The following TMEM164 variants were observed in gnomAD, a reference collection of about 807,000 sequenced individuals.
The protein encoded by TMEM164 is RP13-360B22.2.
Under a neutral mutation model 18.8 loss-of-function variants are expected in TMEM164, and 4 were observed. The observed-to-expected ratio is 0.21, with a 90% CI of 0.10 to 0.49. The LOEUF (loss-of-function observed/expected upper bound fraction) is 0.49, where lower values mean the gene tolerates loss of function less well. Among genes scored for constraint, TMEM164 ranks in the 20% least tolerant of loss-of-function variants. The pLI is 0.98. For synonymous variants in TMEM164, 86 were observed against 101.7 expected, an observed-to-expected ratio of 0.85 and a Z score of 0.93; for missense variants, 108 against 239.9, an observed-to-expected ratio of 0.45 and a Z score of 3.63.
rs769083794 is a variant in TMEM164, at chrX:110,085,157, C to CT, written c.440+17776dup. 1.5e-3 allele frequency among the ~76,000 whole-genome samples: 146 copies of CT among 96,246 alleles called. 1 individual carries two copies. The highest frequency in any genetic ancestry group is 8.2e-3 in the South Asian group (18 of 2,197). The allele number at this position is 96,246 out of a possible 115,157, so 83.6% of individuals were successfully genotyped here. On this transcript the variant is annotated intron_variant, in intron 3 of 6. Transcript: ENST00000372068. ...GTGCTGCCAGAGGTTTTCATATGAA[C>CT]TTTTTTTTTTTTTTTGGTAAAGCAA...
chrX:110,174,498 C>A lies in TMEM164; in HGVS notation c.*1047C>A, dbSNP rs2067268914. ...CATCAGGGCCCATTTCTGGAAGATT[C>A]TGTAGATCTGTTTCTTGGTTTTACA... On this transcript the variant is annotated 3_prime_UTR_variant, in exon 7 of 7. Transcript: ENST00000372068. The A allele has an allele frequency of 9.3e-6, 1 of 108,023 alleles. No individual in the cohort carries two copies. The highest frequency in any genetic ancestry group is 1.9e-5 in the Non-Finnish European group (1 of 52,137). The allele number at this position is 108,023 out of a possible 1,213,427, so 8.9% of individuals were successfully genotyped here. A position where few individuals can be genotyped will look rare whatever the true frequency, so the allele number is the denominator to read the frequency against.
intron 5 of TMEM164, among the ~76,000 whole-genome samples, chrX:110,155,559 T>A (rs2148096476): frequency 9.1e-6 from 1 of 110,364 alleles, no homozygotes; most frequent in Non-Finnish European, 1.9e-5. Context: ...TTCTCAAAAT[T>A]GTTTGCAAAT....
intron 2 of TMEM164, among the ~76,000 whole-genome samples, chrX:110,038,259 G>A (rs775468731): frequency 2.1e-3 from 230 of 111,005 alleles, no homozygotes; most frequent in Non-Finnish European, 2.9e-3. Flanking sequence ...CCAAAGTGCT[G>A]GGATTACAGG....
chrX:110,108,928 C>A, intron 3 of TMEM164, 152 bp from the exon 4 acceptor site: 1 of 500,981 alleles, frequency 2.0e-6, no homozygotes. Flanking sequence ...ACTATTAATT[C>A]ATTTTGTGCA....
chrX:110,020,923 A>G (rs1933781318), intron 2 of TMEM164, among the ~76,000 whole-genome samples: 1 of 106,762 alleles, frequency 9.4e-6, no homozygotes. Flanking sequence ...TTGCTAAAAT[A>G]CAAAAATGTT....
At chrX:110,042,517 A>G (rs899320605) in intron 2 of TMEM164, among the ~76,000 whole-genome samples, 1 of 111,454 alleles carries the variant, frequency 9.0e-6, no homozygotes, top group Non-Finnish European at 1.9e-5. Flanking sequence ...CCTTGTTTTC[A>G]GTTCTTTTGG....
chrX:110,169,954 T>A (rs988286077), intron 5 of TMEM164, among the ~76,000 whole-genome samples: 7 of 111,298 alleles, frequency 6.3e-5, no homozygotes, highest in African/African-American at 2.0e-4. Context: ...GGCATTTGAG[T>A]TCATGACCCT....
chrX:110,004,059 C>G lies in TMEM164; in HGVS notation c.285C>G (p.Leu95=), dbSNP rs1317098219. Residue 95 remains leucine (L), a synonymous_variant, in exon 2 of 7, where the codon CTC becomes CTG. Coordinates refer to ENST00000372068, the MANE Select transcript of TMEM164 (RefSeq NM_032227.4). ...EGKESLSKNL[L]LVALCLTFGV... The stretch of plus-strand genomic sequence containing the variant: ...AGGAGAGCCTGAGCAAGAATCTGCT[C>G]TTAGTAGCCCTGTGCCTGACCTTCG... 8.3e-7 allele frequency: 1 copy of G among 1,211,409 alleles called. No homozygotes were observed. Among genetic ancestry groups the G allele is most frequent in the Non-Finnish European group, 1.1e-6 (1 of 895,438 alleles).
intron 2 of TMEM164, among the ~76,000 whole-genome samples, chrX:110,026,460 T>C (rs753954075): frequency 2.7e-5 from 3 of 111,412 alleles, no homozygotes; most frequent in South Asian, 7.6e-4. Context: ...TTGGCTCTTA[T>C]AGCAGTTTGT....
chrX:110,125,587 G>A (rs1422984289), intron 4 of TMEM164, among the ~76,000 whole-genome samples: 1 of 112,277 alleles, frequency 8.9e-6, no homozygotes, highest in Non-Finnish European at 1.9e-5. Flanking sequence ...TCCTGGCTCA[G>A]GAGATGAAGT....
rs1358002143 is a variant in TMEM164 at position 110,003,504 on chromosome X, G to T, written c.-271G>T. On this transcript the variant is annotated 5_prime_UTR_variant, in exon 2 of 7. Transcript: ENST00000372068. ...TTTTTCCTCTCCTTCCTTTTAGATT[G>T]GCCAACGGCTCCTTTCAACCCTGCC... The T allele has an allele frequency of 1.1e-5, 3 of 275,353 alleles. No individual in the cohort carries two copies. The highest frequency in any genetic ancestry group is 1.9e-5 in the Non-Finnish European group (3 of 157,753). The allele number at this position is 275,353 out of a possible 1,213,427, so 22.7% of individuals were successfully genotyped here.
chrX:110,175,879 C>T lies in TMEM164; in HGVS notation c.*2428C>T, dbSNP rs1012266884. On this transcript the variant is annotated 3_prime_UTR_variant, in exon 7 of 7. Transcript: ENST00000372068. Reference sequence around the variant, plus strand: ...TGGAGAGAAGCAACCCAACCAGACTCTTGGCAGCCTGCCTTACAGGGTAGC... The same window carrying T: ...TGGAGAGAAGCAACCCAACCAGACTTTTGGCAGCCTGCCTTACAGGGTAGC... 7 of 754,481 alleles carry T rather than the reference C, an allele frequency of 9.3e-6. No individual in the cohort carries two copies. In the African/African-American group the frequency reaches 1.6e-4, roughly 17 times the overall value. The allele number at this position is 754,481 out of a possible 1,213,427, so 62.2% of individuals were successfully genotyped here.
intron 2 of TMEM164, among the ~76,000 whole-genome samples, chrX:110,050,682 C>G (rs1935517078): frequency 8.9e-6 from 1 of 111,744 alleles, no homozygotes; most frequent in Non-Finnish European, 1.9e-5. Context: ...ATGAGGAATT[C>G]ATGTTTCATT....
At chrX:110,025,115 A>G (rs1934122605) in intron 2 of TMEM164, among the ~76,000 whole-genome samples, 1 of 110,595 alleles carries the variant, frequency 9.0e-6, no homozygotes. Flanking sequence ...CCCCAAAGCC[A>G]GGCTCTTTCC....
At chrX:110,103,713 A>G (rs765600541) in intron 3 of TMEM164, among the ~76,000 whole-genome samples, 3 of 111,965 alleles carry the variant, frequency 2.7e-5, no homozygotes, top group East Asian at 5.6e-4. Context: ...AATAAAATAT[A>G]TGCTGCATAT....
At chrX:110,056,047 T>A (rs1015096455) in intron 2 of TMEM164, among the ~76,000 whole-genome samples, 4 of 111,894 alleles carry the variant, frequency 3.6e-5, no homozygotes, top group African/African-American at 1.3e-4. Flanking sequence ...ACCATATAAT[T>A]CATTCATTTA....
chrX:110,103,687 A>C (rs1208141592), intron 3 of TMEM164, among the ~76,000 whole-genome samples: 2 of 111,967 alleles, frequency 1.8e-5, no homozygotes, highest in Non-Finnish European at 3.8e-5. Context: ...ATACCAAAAT[A>C]TCACAATATA....
At chrX:110,164,812 G>A (rs995423794) in intron 5 of TMEM164, among the ~76,000 whole-genome samples, 1 of 111,576 alleles carries the variant, frequency 9.0e-6, no homozygotes, top group Non-Finnish European at 1.9e-5. Context: ...TGAAAAGAAA[G>A]AAGTTATTCA....
chrX:110,174,667 A>G lies in TMEM164; in HGVS notation c.*1216A>G, dbSNP rs777731539. The stretch of plus-strand genomic sequence containing the variant: ...TAGGTTGAAAGGGGGCTGCCAAAGA[A>G]TTAAGTCCTCATGGGTGGAGGTTCA... On this transcript the variant is annotated 3_prime_UTR_variant, in exon 7 of 7. Coordinates refer to ENST00000372068, the MANE Select transcript of TMEM164 (RefSeq NM_032227.4). The G allele has an allele frequency of 9.0e-6, 1 of 110,703 alleles. No individual in the cohort carries two copies. The highest frequency in any genetic ancestry group is 3.3e-5 in the African/African-American group (1 of 30,376). 9.1% of individuals were successfully genotyped at this position (110,703 alleles called of 1,213,427 possible). A position where few individuals can be genotyped will look rare whatever the true frequency, so the allele number is the denominator to read the frequency against.
Sources: allele counts gnomAD v4.1 joint callset (sites outside exome capture counted in the v4.1 genomes callset), GRCh38; gene constraint gnomAD v4.1.1; transcripts MANE v1.5; gene names NCBI Gene and HGNC (gene_info 2026-07-23, HGNC 2026-07-21).